BTG4: variants seen among roughly 807,000 people sequenced by gnomAD.
The protein encoded by BTG4 is protein BTG4.
In BTG4, 10 loss-of-function variants were observed where a neutral mutation model predicts 19.3. The observed-to-expected ratio is 0.52, with a 90% CI of 0.32 to 0.88. The LOEUF is 0.88. Ranked by LOEUF, BTG4 falls within the 40% of genes least tolerant of loss-of-function variation. The pLI, the probability that BTG4 is intolerant of heterozygous loss-of-function variation, is 0.04. For synonymous variants in BTG4, 91 were observed against 95.7 expected, an observed-to-expected ratio of 0.95 and a Z score of 0.29; for missense variants, 238 against 281.9, an observed-to-expected ratio of 0.84 and a Z score of 1.11.
the BTG4 span, among the ~76,000 whole-genome samples, chr11:111,425,592 T>TA: frequency 6.6e-6 from 1 of 152,252 alleles, no homozygotes; most frequent in South Asian, 2.1e-4. Flanking sequence ...AAATTTCAGT[T>TA]AAGAAACTAC....
intron 5 of BTG4, among the ~76,000 whole-genome samples, chr11:111,474,195 C>A (rs73553267): frequency 0.036 from 5,418 of 152,198 alleles, 331 homozygotes; most frequent in African/African-American, 0.12. Flanking sequence ...AACTTTTAAA[C>A]CTTTATTAAA....
At chr11:111,425,009 G>A in the BTG4 span, among the ~76,000 whole-genome samples, 1 of 152,080 alleles carries the variant, frequency 6.6e-6, no homozygotes, top group Non-Finnish European at 1.5e-5. Flanking sequence ...GCCATGAGAG[G>A]GGACAAACTG....
the BTG4 span, among the ~76,000 whole-genome samples, chr11:111,443,881 C>T: frequency 4.7e-4 from 72 of 152,270 alleles, 1 homozygote; most frequent in Non-Finnish European, 6.9e-4. Context: ...AGCTCGAGGA[C>T]GCTTAGCAAC....
chr11:111,433,868 T>C, the BTG4 span, among the ~76,000 whole-genome samples: 1 of 152,172 alleles, frequency 6.6e-6, no homozygotes, highest in Non-Finnish European at 1.5e-5. Context: ...CCATGCCAGT[T>C]AGAATGGTGA....
At chr11:111,437,656 G>A in the BTG4 span, among the ~76,000 whole-genome samples, 12 of 152,088 alleles carry the variant, frequency 7.9e-5, no homozygotes, top group African/African-American at 2.7e-4. Flanking sequence ...CTACAACAGC[G>A]AGTGCCTAGA....
downstream of BTG4, among the ~76,000 whole-genome samples, chr11:111,464,015 G>A (rs1297435887): frequency 6.6e-6 from 1 of 152,134 alleles, no homozygotes; most frequent in African/African-American, 2.4e-5. Flanking sequence ...GTCTTTTTTT[G>A]AGATGGAGTC....
chr11:111,444,679 A>G, the BTG4 span, among the ~76,000 whole-genome samples: 1 of 152,228 alleles, frequency 6.6e-6, no homozygotes, highest in Non-Finnish European at 1.5e-5. Flanking sequence ...CCCCATAAAT[A>G]TATACACCTA....
At chr11:111,388,275 G>T in the BTG4 span, among the ~76,000 whole-genome samples, 1,804 of 134,934 alleles carry the variant, frequency 0.013, 34 homozygotes, top group African/African-American at 0.043. Flanking sequence ...GAGTGGCCAT[G>T]ACTCAGTTGG....
upstream of BTG4, chr11:111,513,504 G>A (rs894158732): frequency 1.9e-6 from 1 of 529,616 alleles, no homozygotes; most frequent in Non-Finnish European, 3.9e-6. Context: ...CACACGGCCA[G>A]GTAAAAAGAT....
At chr11:111,437,240 A>G in the BTG4 span, among the ~76,000 whole-genome samples, 1 of 152,044 alleles carries the variant, frequency 6.6e-6, no homozygotes, top group South Asian at 2.1e-4. Flanking sequence ...CAGAGCCCAG[A>G]GACCCCCTGC....
chr11:111,400,695 A>G, the BTG4 span, among the ~76,000 whole-genome samples: 1 of 152,178 alleles, frequency 6.6e-6, no homozygotes, highest in Non-Finnish European at 1.5e-5. Context: ...AACAAAGAAT[A>G]TGTGAAGGGG....
At chr11:111,468,288 G>A (rs1244305755) in intron 5 of BTG4, among the ~76,000 whole-genome samples, 5 of 152,248 alleles carry the variant, frequency 3.3e-5, no homozygotes, top group Non-Finnish European at 7.3e-5. Flanking sequence ...ATGGGTAAAC[G>A]AACTCAGGTT....
At chr11:111,497,430 A>T in intron 3 of BTG4, 21 bp from the exon 4 acceptor site, 1 of 1,363,132 alleles carries the variant, frequency 7.3e-7, no homozygotes, top group South Asian at 2.1e-5. Context: ...AAAGAAATTT[A>T]AGTGCTAATT....
the BTG4 span, among the ~76,000 whole-genome samples, chr11:111,435,414 C>G: frequency 6.6e-6 from 1 of 152,216 alleles, no homozygotes; most frequent in African/African-American, 2.4e-5. Flanking sequence ...CCCCAGGAGG[C>G]TGCACCCTGC....
At chr11:111,467,690 C>T (rs757932307) in intron 5 of BTG4, 9 of 760,402 alleles carry the variant, frequency 1.2e-5, no homozygotes, top group Non-Finnish European at 1.9e-5. Flanking sequence ...TTCTGGGGTC[C>T]AGTATAGATA....
At chr11:111,478,270 G>T (rs925626249) in intron 5 of BTG4, among the ~76,000 whole-genome samples, 1 of 152,140 alleles carries the variant, frequency 6.6e-6, no homozygotes, top group African/African-American at 2.4e-5. Flanking sequence ...CAGCAGTAAT[G>T]AGAGACCCTT....
intron 5 of BTG4, chr11:111,469,049 C>T (rs1334571988): frequency 1.3e-5 from 2 of 152,132 alleles, no homozygotes; most frequent in African/African-American, 4.8e-5. Context: ...AATTTTTCCC[C>T]GGTCATCTGA....
chr11:111,406,090 A>G, the BTG4 span, among the ~76,000 whole-genome samples: 1 of 152,228 alleles, frequency 6.6e-6, no homozygotes, highest in African/African-American at 2.4e-5. Flanking sequence ...TTCAGAGAAG[A>G]TGCAATTTAA....
chr11:111,463,203 G>C (rs1016112413), downstream of BTG4: 6 of 152,662 alleles, frequency 3.9e-5, no homozygotes, highest in Admixed American at 3.9e-4. Flanking sequence ...TGGCTGAGGA[G>C]ATCTGTATTT....
Sources: allele counts gnomAD v4.1 joint callset (sites outside exome capture counted in the v4.1 genomes callset), GRCh38; gene constraint gnomAD v4.1.1; transcripts MANE v1.5; gene names NCBI Gene and HGNC (gene_info 2026-07-23, HGNC 2026-07-21).